Variants in PRKN observed in about 807,000 individuals in gnomAD.
PRKN encodes the protein E3 ubiquitin-protein ligase parkin.
PRKN carries 56 observed loss-of-function variants against 59.5 expected under a neutral mutation model. That is an observed-to-expected ratio of 0.94 (90% CI 0.76 to 1.18). PRKN has a LOEUF of 1.18. PRKN is among the 50% of genes most tolerant of loss of function. The pLI is 0.00. For synonymous variants in PRKN, 250 were observed against 222.1 expected (o/e 1.13, Z -1.12); for missense variants, 657 against 596.4 (o/e 1.10, Z -1.06).
intron 3 of PRKN, among the ~76,000 whole-genome samples, chr6:162,214,610 T>G (rs1777558390): frequency 6.6e-6 from 1 of 152,194 alleles, no homozygotes; most frequent in South Asian, 2.1e-4. Flanking sequence ...TCCAGGGAAG[T>G]TACCTGTATA....
chr6:161,807,072 A>C (rs1043229785), intron 6 of PRKN, among the ~76,000 whole-genome samples: 1 of 152,232 alleles, frequency 6.6e-6, no homozygotes, highest in African/African-American at 2.4e-5. Flanking sequence ...TAAAGGTACT[A>C]AAAATGATTT....
chr6:162,305,174 A>G (rs1219496445), intron 2 of PRKN, among the ~76,000 whole-genome samples: 2 of 152,172 alleles, frequency 1.3e-5, no homozygotes, highest in Non-Finnish European at 2.9e-5. Flanking sequence ...ACTACATCTT[A>G]GAGTATAGAA....
intron 1 of PRKN, among the ~76,000 whole-genome samples, chr6:162,710,985 C>A (rs1319183822): frequency 6.6e-6 from 1 of 152,186 alleles, no homozygotes; most frequent in Admixed American, 6.5e-5. Context: ...TTTGGAGGAA[C>A]CATATCCCCC....
At chr6:161,394,760 G>A (rs559644384) in intron 9 of PRKN, among the ~76,000 whole-genome samples, 1 of 152,256 alleles carries the variant, frequency 6.6e-6, no homozygotes, top group East Asian at 1.9e-4. Context: ...ACTTTCAACA[G>A]GCTGACCTCA....
chr6:162,411,008 A>G (rs535729412), intron 2 of PRKN, among the ~76,000 whole-genome samples: 2 of 152,238 alleles, frequency 1.3e-5, no homozygotes, highest in African/African-American at 4.8e-5. Flanking sequence ...GACTCATACA[A>G]AAATGAAAAG....
chr6:161,874,432 AATATTATATATAAAAT>A (rs1303458478), intron 6 of PRKN, among the ~76,000 whole-genome samples: 9 of 38,088 alleles, frequency 2.4e-4, no homozygotes, highest in Middle Eastern at 0.029. Flanking sequence ...TTATATGTAA[AATATTATATATAAAAT>A]ATATATTATA....
At position 162,131,415 on chromosome 6, in the gene PRKN, T is replaced by C. The variant is rs188538154; in HGVS notation, c.534+69716A>G. Reference sequence around the variant, plus strand: ...CATAGCACACATTTCCAGGTTTCTATAAAAATCAGCCAATGATGAAAAGCA... The same window carrying C: ...CATAGCACACATTTCCAGGTTTCTACAAAAATCAGCCAATGATGAAAAGCA... On this transcript the variant is annotated intron_variant, in intron 4 of 11. Coordinates refer to ENST00000366898, the MANE Select transcript of PRKN (RefSeq NM_004562.3). 1.0e-3 allele frequency among the ~76,000 whole-genome samples: 157 copies of C among 152,324 alleles called. 1 individual carries two copies. The highest frequency in any genetic ancestry group is 3.3e-3 in the African/African-American group (138 of 41,572).
chr6:162,115,239 G>A (rs1430252316), intron 4 of PRKN, among the ~76,000 whole-genome samples: 7 of 151,406 alleles, frequency 4.6e-5, no homozygotes, highest in Admixed American at 4.0e-4. Context: ...GTAAACTATC[G>A]CAAGAACAAA....
At chr6:162,304,533 ATC>A (rs1782134660) in intron 2 of PRKN, among the ~76,000 whole-genome samples, 1 of 126,512 alleles carries the variant, frequency 7.9e-6, no homozygotes, top group Non-Finnish European at 1.7e-5. Context: ...CTATCTATCT[ATC>A]TATCTATCTA....
At chr6:162,258,200 G>T (rs558650124) in intron 3 of PRKN, among the ~76,000 whole-genome samples, 1 of 152,130 alleles carries the variant, frequency 6.6e-6, no homozygotes. Context: ...GCTGTTTCTC[G>T]ATAGAACACA....
rs968887759 is a variant in PRKN at position 161,405,205 on chromosome 6, C to T, written c.1084-18328G>A. Among the ~76,000 whole-genome samples, 1 of 152,180 alleles carries T rather than the reference C, an allele frequency of 6.6e-6. No homozygotes were observed. Among genetic ancestry groups the T allele is most frequent in the Non-Finnish European group, 1.5e-5 (1 of 68,036 alleles). On this transcript the variant is annotated intron_variant, in intron 9 of 11. Transcript: ENST00000366898. This position sits in a 1 kb window ranked among gnomAD's most constrained non-coding sequence, Gnocchi z 5.1. ...CTTGGTCACACAGTGACAAGATTTA[C>T]AATGGGATTTGGGGGAAAAGTCATT...
In PRKN at chr6:161,459,234, A is replaced by G. The variant is rs1455535735; in HGVS notation, c.1084-72357T>C. On this transcript the variant is annotated intron_variant, in intron 9 of 11. Coordinates refer to ENST00000366898, the MANE Select transcript of PRKN (RefSeq NM_004562.3). This position sits in a 1 kb window ranked among gnomAD's most constrained non-coding sequence, Gnocchi z 4.8. ...GGAAACCTGATCGAACTTGACAGTC[A>G]GTGTGTTTGTGGGCTTCTCTTCCTG... 6.6e-6 allele frequency among the ~76,000 whole-genome samples: 1 copy of G among 152,200 alleles called. No homozygotes were observed. Among genetic ancestry groups the G allele is most frequent in the Non-Finnish European group, 1.5e-5 (1 of 68,024 alleles).
At chr6:162,416,971 A>G (rs369540237) in intron 2 of PRKN, among the ~76,000 whole-genome samples, 182 of 152,286 alleles carry the variant, frequency 1.2e-3, no homozygotes, top group East Asian at 9.8e-3. Flanking sequence ...TCCTAACTAA[A>G]CAGCTGTTTT....
Position 161,352,726 on chromosome 6 carries a change from A to AGTGTGTGTGTGTGTGT in PRKN, c.1286-2531_1286-2516dup, listed in dbSNP as rs373703677. Among the ~76,000 whole-genome samples the AGTGTGTGTGTGTGTGT allele has an allele frequency of 1.0e-2, 1,279 of 128,438 alleles. 18 individuals are homozygous for AGTGTGTGTGTGTGTGT. The highest frequency in any genetic ancestry group is 0.019 in the South Asian group (71 of 3,688). 84.3% of individuals were successfully genotyped at this position (128,438 alleles called of 152,430 possible). A position where few individuals can be genotyped will look rare whatever the true frequency, so the allele number is the denominator to read the frequency against. On this transcript the variant is annotated intron_variant, in intron 11 of 11. Coordinates refer to ENST00000366898, the MANE Select transcript of PRKN (RefSeq NM_004562.3). This position sits in a 1 kb window ranked among gnomAD's most constrained non-coding sequence, Gnocchi z 5.8. ...TATATAAACACAAATATGTATGAAG[A>AGTGTGTGTGTGTGTGT]GTGTGTGTGTGTGTGTGTGTGTGTG... is the stretch of plus-strand genomic sequence containing the variant.
At chr6:162,095,603 A>G (rs1179202852) in intron 4 of PRKN, among the ~76,000 whole-genome samples, 1 of 152,158 alleles carries the variant, frequency 6.6e-6, no homozygotes, top group Non-Finnish European at 1.5e-5. Flanking sequence ...ATAACTCACA[A>G]TCCTGTGCAA....
At chr6:161,988,671 A>C (rs1436955025) in intron 5 of PRKN, among the ~76,000 whole-genome samples, 2 of 152,182 alleles carry the variant, frequency 1.3e-5, no homozygotes, top group Admixed American at 6.5e-5. Flanking sequence ...ATAAAATGGA[A>C]ATCATGAGTG....
At chr6:161,994,895 A>C (rs1382499301) in intron 5 of PRKN, among the ~76,000 whole-genome samples, 2 of 151,774 alleles carry the variant, frequency 1.3e-5, no homozygotes, top group Non-Finnish European at 2.9e-5. Flanking sequence ...ATCCCTATCA[A>C]AATAACAATA....
intron 3 of PRKN, among the ~76,000 whole-genome samples, chr6:162,256,205 G>A (rs1235662596): frequency 2.0e-5 from 3 of 151,982 alleles, no homozygotes; most frequent in Non-Finnish European, 4.4e-5. Flanking sequence ...AGAATGTAGT[G>A]ATATTTTCCT....
chr6:162,721,297 A>G (rs1039195192), intron 1 of PRKN, among the ~76,000 whole-genome samples: 2 of 152,218 alleles, frequency 1.3e-5, no homozygotes, highest in Non-Finnish European at 2.9e-5. Flanking sequence ...TTAACACTTT[A>G]TCTGGACTTG....
Sources: gnomAD v4.1 joint callset for allele counts (sites outside exome capture counted in the v4.1 genomes callset) on GRCh38, gnomAD v4.1.1 for gene constraint, Gnocchi (gnomAD v3.1) non-coding constraint, MANE v1.5 for transcripts, NCBI Gene and HGNC (gene_info 2026-07-23, HGNC 2026-07-21) for gene names.